SLC25A21: variants seen among roughly 807,000 people sequenced by gnomAD.
SLC25A21 encodes solute carrier family 25 member 21.
A neutral mutation model predicts 43.8 loss-of-function variants in SLC25A21; 47 were observed. The observed-to-expected ratio is 1.07, with a 90% CI of 0.85 to 1.37. The LOEUF (loss-of-function observed/expected upper bound fraction) is 1.37. Ranked by LOEUF, SLC25A21 falls within the 40% of genes most tolerant of loss-of-function variation. The pLI is 0.00. For synonymous variants in SLC25A21, 131 were observed against 121.3 expected, an observed-to-expected ratio of 1.08 and a Z score of -0.52; for missense variants, 352 against 350.2, an observed-to-expected ratio of 1.00 and a Z score of -0.04.
At chr14:36,706,578 C>T (rs1253993976) in intron 7 of SLC25A21, among the ~76,000 whole-genome samples, 1 of 152,124 alleles carries the variant, frequency 6.6e-6, no homozygotes, top group East Asian at 1.9e-4. Context: ...CAGGCAGAGC[C>T]CGTAATATTC....
At chr14:36,789,698 T>TATATATTTTATATATTTATATATA (rs1210565499) in intron 3 of SLC25A21, among the ~76,000 whole-genome samples, 21,223 of 117,440 alleles carry the variant, frequency 0.18, 4,256 homozygotes, top group East Asian at 0.23. Context: ...CACACACACA[T>TATATATTTTATATATTTATATATA]ATATATTTTA....
chr14:37,126,032 C>T (rs1295061399), intron 1 of SLC25A21, among the ~76,000 whole-genome samples: 2 of 152,150 alleles, frequency 1.3e-5, no homozygotes, highest in East Asian at 3.8e-4. Context: ...TTCATCACAC[C>T]TCTTTTTATC....
chr14:36,748,134 C>G (rs1393561527), intron 3 of SLC25A21, among the ~76,000 whole-genome samples: 2 of 152,180 alleles, frequency 1.3e-5, no homozygotes, highest in East Asian at 3.8e-4. Context: ...TATTTGACTC[C>G]AAAACCTCAG....
At chr14:37,110,882 T>C (rs1222330000) in intron 1 of SLC25A21, among the ~76,000 whole-genome samples, 10 of 152,160 alleles carry the variant, frequency 6.6e-5, no homozygotes, top group Admixed American at 6.6e-4. Flanking sequence ...TCTGGTTTCC[T>C]ATTTTATGCC....
intron 1 of SLC25A21, among the ~76,000 whole-genome samples, chr14:36,901,824 A>G (rs945508010): frequency 2.0e-5 from 3 of 152,186 alleles, no homozygotes; most frequent in Admixed American, 6.5e-5. Flanking sequence ...ACAGTAAACT[A>G]TTTTTTAAAA....
At chr14:37,135,978 T>G (rs1963474011) in intron 1 of SLC25A21, among the ~76,000 whole-genome samples, 1 of 152,216 alleles carries the variant, frequency 6.6e-6, no homozygotes, top group African/African-American at 2.4e-5. Context: ...TAGTGATAGT[T>G]CAGTGACTAG....
intron 1 of SLC25A21, among the ~76,000 whole-genome samples, chr14:36,893,344 C>T (rs1891138342): frequency 6.6e-6 from 1 of 152,176 alleles, no homozygotes; most frequent in Non-Finnish European, 1.5e-5. Context: ...GCATAAAAGT[C>T]TTCTTTCGAG....
At chr14:36,729,218 T>C (rs1157186264) in intron 5 of SLC25A21, among the ~76,000 whole-genome samples, 1 of 152,238 alleles carries the variant, frequency 6.6e-6, no homozygotes, top group African/African-American at 2.4e-5. Context: ...ATGCATGTCT[T>C]GGTTTAAAAG....
At chr14:37,025,864 A>C (rs1961081666) in intron 1 of SLC25A21, among the ~76,000 whole-genome samples, 1 of 152,180 alleles carries the variant, frequency 6.6e-6, no homozygotes, top group South Asian at 2.1e-4. Flanking sequence ...TCTTAAAAGA[A>C]AAGATAAAGT....
intron 1 of SLC25A21, among the ~76,000 whole-genome samples, chr14:36,919,622 C>CTAT (rs1566738603): frequency 0.013 from 813 of 61,508 alleles, 6 homozygotes; most frequent in Middle Eastern, 0.022. Flanking sequence ...TATCTATCTA[C>CTAT]CTATCTATCT....
At chr14:36,696,270 G>T (rs1883021149) in intron 7 of SLC25A21, among the ~76,000 whole-genome samples, 1 of 152,194 alleles carries the variant, frequency 6.6e-6, no homozygotes, top group Admixed American at 6.5e-5. Flanking sequence ...ACTTGATCAT[G>T]GTGGATAAAC....
At chr14:36,991,222 T>C (rs888537002) in intron 1 of SLC25A21, among the ~76,000 whole-genome samples, 7 of 152,178 alleles carry the variant, frequency 4.6e-5, no homozygotes, top group Non-Finnish European at 1.0e-4. Flanking sequence ...CACAGTGGAT[T>C]GCCCATTCAG....
At chr14:37,080,595 G>A (rs1326424624) in intron 1 of SLC25A21, among the ~76,000 whole-genome samples, 2 of 152,120 alleles carry the variant, frequency 1.3e-5, no homozygotes, top group African/African-American at 2.4e-5. Flanking sequence ...GCAAGACCCT[G>A]CCTCAAAAAC....
At chr14:36,779,288 T>C (rs1047698670) in intron 3 of SLC25A21, among the ~76,000 whole-genome samples, 1 of 145,246 alleles carries the variant, frequency 6.9e-6, no homozygotes, top group Admixed American at 7.0e-5. Flanking sequence ...TTCTTATATA[T>C]CATATTATTA....
chr14:36,953,822 C>G (rs1959253674), intron 1 of SLC25A21, among the ~76,000 whole-genome samples: 1 of 152,062 alleles, frequency 6.6e-6, no homozygotes, highest in African/African-American at 2.4e-5. Context: ...TTTAGACACT[C>G]TTGTGGTTAA....
chr14:36,814,555 C>G (rs995814006), intron 2 of SLC25A21, among the ~76,000 whole-genome samples: 1 of 152,108 alleles, frequency 6.6e-6, no homozygotes, highest in African/African-American at 2.4e-5. Context: ...AAGCGGCCAA[C>G]AAACATGAAA....
At chr14:37,106,914 T>C (rs376199088) in intron 1 of SLC25A21, among the ~76,000 whole-genome samples, 1 of 152,198 alleles carries the variant, frequency 6.6e-6, no homozygotes, top group African/African-American at 2.4e-5. Flanking sequence ...AGAACCTACG[T>C]TGAAATATTG....
At chr14:37,052,856 T>A (rs1445636775) in intron 1 of SLC25A21, among the ~76,000 whole-genome samples, 1 of 152,116 alleles carries the variant, frequency 6.6e-6, no homozygotes, top group African/African-American at 2.4e-5. Flanking sequence ...CAGACTGATT[T>A]CGAACTCCTG....
chr14:37,154,694 G>A (rs1431729456), intron 1 of SLC25A21, among the ~76,000 whole-genome samples: 1 of 151,010 alleles, frequency 6.6e-6, no homozygotes, highest in Non-Finnish European at 1.5e-5. Context: ...CCAGGCTGGA[G>A]TGCGATAGCA....
Sources: allele counts gnomAD v4.1 joint callset (sites outside exome capture counted in the v4.1 genomes callset), GRCh38; gene constraint gnomAD v4.1.1; transcripts MANE v1.5; gene names NCBI Gene and HGNC (gene_info 2026-07-23, HGNC 2026-07-21).